The following MALAT1 variants were observed in gnomAD, a reference collection of about 807,000 sequenced individuals.
The protein encoded by MALAT1 is hepcarcin.
chr11:65,501,468 A>T, exon 3 of MALAT1: 1 of 514,688 alleles, frequency 1.9e-6, no homozygotes, highest in Non-Finnish European at 3.9e-6. Context: ...CCACCCCCTT[A>T]ATCAGACTTT....
exon 3 of MALAT1, chr11:65,501,335 C>G (rs1370425299): frequency 1.7e-5 from 9 of 518,444 alleles, no homozygotes; most frequent in Non-Finnish European, 3.5e-5. Flanking sequence ...CAAGAAAATC[C>G]AATATCAGGA....
At chr11:65,504,365 C>G (rs1181881494) in intron 3 of MALAT1, 1 of 517,528 alleles carries the variant, frequency 1.9e-6, no homozygotes, top group Non-Finnish European at 3.9e-6. Flanking sequence ...TCAGGTCTGT[C>G]TGTTCTGTTG....
At chr11:65,503,558 ATGT>A (rs374397871) in exon 3 of MALAT1, 20 of 518,256 alleles carry the variant, frequency 3.9e-5, no homozygotes, top group African/African-American at 2.7e-4. Flanking sequence ...TAAAATTTAC[ATGT>A]TGTGATGTAA....
At chr11:65,501,453 TC>T (rs775681570) in exon 3 of MALAT1, 6 of 514,298 alleles carry the variant, frequency 1.2e-5, no homozygotes, top group Non-Finnish European at 1.9e-5. Flanking sequence ...TACTCTTTTT[TC>T]CCCCCACCCC....
exon 3 of MALAT1, chr11:65,502,942 A>AGG (rs770754281): frequency 2.6e-5 from 13 of 495,246 alleles, no homozygotes; most frequent in Non-Finnish European, 4.4e-5. Context: ...TACAATGAAG[A>AGG]GGCAATGTCC....
chr11:65,498,271 T>C (rs759483267), intron 1 of MALAT1: 2 of 518,732 alleles, frequency 3.9e-6, no homozygotes, highest in East Asian at 5.4e-5. Context: ...CGATTTGCCT[T>C]GTGAGCACTT....
At chr11:65,499,084 G>T (rs1201084613) in exon 3 of MALAT1, 1 of 518,348 alleles carries the variant, frequency 1.9e-6, no homozygotes, top group Admixed American at 1.9e-5. Flanking sequence ...CTGCTGAGGG[G>T]GCAGGCGGAG....
intron 3 of MALAT1, chr11:65,504,389 G>A: frequency 1.9e-6 from 1 of 518,656 alleles, no homozygotes; most frequent in African/African-American, 1.9e-5. Context: ...AGTAAATGCA[G>A]TACTGTTCTG....
chr11:65,505,705 GA>G, intron 3 of MALAT1: 2 of 519,040 alleles, frequency 3.9e-6, no homozygotes, highest in Non-Finnish European at 7.7e-6. Context: ...AACTATGTTA[GA>G]AAAGGCCATT....
At position 65,500,785 on chromosome 11, in the gene MALAT1, AAT is replaced by A. The variant is rs1565051933; in HGVS notation, n.2051_2052del. 5 of 518,994 alleles carry A rather than the reference AAT, an allele frequency of 9.6e-6. No homozygotes were observed. In the Admixed American group the frequency reaches 9.7e-5, roughly 10 times the overall value. 32.1% of individuals were successfully genotyped at this position (518,994 alleles called of 1,614,324 possible). ...GTTGGTAAAAATCCGTGAGGTCGGC[AAT>A]ATGTTGTTTTTCTGGAACTTACTTA... On this transcript the variant is annotated non_coding_transcript_exon_variant, in exon 3 of 4. Coordinates refer to ENST00000619449, the Ensembl canonical transcript of MALAT1.
chr11:65,504,590 T>C (rs763814739), intron 3 of MALAT1: 9 of 518,814 alleles, frequency 1.7e-5, no homozygotes, highest in African/African-American at 3.8e-5. Flanking sequence ...GCTGGTGTAT[T>C]TTTAGGTAAA....
chr11:65,505,265 G>A (rs771219157), intron 3 of MALAT1: 2 of 518,366 alleles, frequency 3.9e-6, no homozygotes, highest in Non-Finnish European at 7.7e-6. Context: ...ACAACAAAGC[G>A]CTATTATCCT....
intron 3 of MALAT1, chr11:65,505,221 A>G: frequency 1.9e-6 from 1 of 518,456 alleles, no homozygotes; most frequent in Non-Finnish European, 3.9e-6. Context: ...GGCTTAAAGT[A>G]GGACAACCAT....
At chr11:65,498,214 G>A (rs370040336) in intron 1 of MALAT1, 10 of 518,770 alleles carry the variant, frequency 1.9e-5, no homozygotes, top group Non-Finnish European at 3.8e-5. Context: ...AAAGCCATTC[G>A]CTTAGTTGGT....
At chr11:65,497,766 A>G (rs1416958023) in exon 1 of MALAT1, 2 of 447,816 alleles carry the variant, frequency 4.5e-6, no homozygotes, top group Admixed American at 5.1e-5. Context: ...ACTTCTGTAA[A>G]GGACTGGGGC....
chr11:65,498,186 C>G (rs775727668), intron 1 of MALAT1: 2 of 518,958 alleles, frequency 3.9e-6, no homozygotes, highest in South Asian at 1.4e-5. Flanking sequence ...TGCCCAAGGT[C>G]TCTGTGTCTT....
At chr11:65,502,471 A>G (rs1144795) in exon 3 of MALAT1, 1 of 497,272 alleles carries the variant, frequency 2.0e-6, no homozygotes, top group South Asian at 1.5e-5. Flanking sequence ...GTTTAACTGC[A>G]AAACAAGATG....
rs369370836 is a variant in MALAT1 at position 65,500,834 on chromosome 11, C to G, written n.2097C>G. 1.1e-4 allele frequency: 58 copies of G among 518,684 alleles called. No individual in the cohort carries two copies. The Middle Eastern group carries it at 1.6e-3, about 14-fold the overall frequency. The allele number at this position is 518,684 out of a possible 1,614,324, so 32.1% of individuals were successfully genotyped here. ...CTTATGGTAACCTTTTATTTATTTTCTAATATAATGGGGGAGTTTCGTACT... is the reference window on the plus strand; with the variant it reads ...CTTATGGTAACCTTTTATTTATTTTGTAATATAATGGGGGAGTTTCGTACT... On this transcript the variant is annotated non_coding_transcript_exon_variant, in exon 3 of 4. Transcript: ENST00000619449.
exon 3 of MALAT1, chr11:65,502,882 G>C (rs759347489): frequency 2.4e-5 from 12 of 491,946 alleles, no homozygotes; most frequent in Middle Eastern, 3.2e-4. Context: ...CCATTTTAAA[G>C]TTAATTGCTT....
Sources: allele counts gnomAD v4.1 joint callset, GRCh38; gene constraint gnomAD v4.1.1; transcripts MANE v1.5; gene names NCBI Gene and HGNC (gene_info 2026-07-23, HGNC 2026-07-21).